ALG5: variants seen among roughly 807,000 people sequenced by gnomAD.
The protein encoded by ALG5 is ALG5 dolichyl-phosphate beta-glucosyltransferase.
A neutral mutation model predicts 51.8 loss-of-function variants in ALG5; 26 were observed. That is an observed-to-expected ratio of 0.50 (90% CI 0.37 to 0.70). The LOEUF is 0.70. ALG5 is among the 30% of genes least tolerant of loss of function. ALG5 has a pLI of 0.00. For synonymous variants in ALG5, 141 were observed against 136.1 expected, an observed-to-expected ratio of 1.04 and a Z score of -0.25; for missense variants, 311 against 399.3, an observed-to-expected ratio of 0.78 and a Z score of 1.88.
At position 36,955,259 on chromosome 13, in the gene ALG5, T is replaced by C. The variant is rs1177804129; in HGVS notation, c.774-2660A>G. The stretch of plus-strand genomic sequence containing the variant: ...CACGTAGCTCTGCTGGTTTAACCTG[T>C]AGCGAAATTTACCAATCAGAGGCTC... On this transcript the variant is annotated intron_variant, in intron 8 of 9. Transcript: ENST00000239891. Among the ~76,000 whole-genome samples the C allele has an allele frequency of 2.0e-5, 3 of 152,214 alleles. No homozygotes were observed. In the East Asian group the frequency reaches 5.8e-4, roughly 29 times the overall value.
intron 2 of ALG5, among the ~76,000 whole-genome samples, 182 bp downstream of exon 2, chr13:36,995,243 T>A (rs189303853): frequency 6.6e-6 from 1 of 152,334 alleles, no homozygotes; most frequent in African/African-American, 2.4e-5. Flanking sequence ...CTCATGATGC[T>A]GCTCCTATTC....
chr13:36,972,860 C>T (rs954846984), intron 6 of ALG5, among the ~76,000 whole-genome samples: 19 of 151,590 alleles, frequency 1.3e-4, no homozygotes, highest in Non-Finnish European at 1.6e-4. Flanking sequence ...GGCGTGGTGG[C>T]GGGCGCCTGT....
intron 6 of ALG5, among the ~76,000 whole-genome samples, chr13:36,973,553 C>T (rs2058936147): frequency 1.3e-5 from 2 of 151,868 alleles, no homozygotes; most frequent in Admixed American, 6.6e-5. Flanking sequence ...AAGGAAGGTA[C>T]AAGTACAAAA....
At chr13:36,967,644 G>A in intron 7 of ALG5, 2 of 392,588 alleles carry the variant, frequency 5.1e-6, no homozygotes, top group Non-Finnish European at 9.9e-6. Context: ...AGAATCATTA[G>A]TTATGGGTTG....
At chr13:36,981,919 T>G (rs972767907) in intron 6 of ALG5, among the ~76,000 whole-genome samples, 1 of 152,050 alleles carries the variant, frequency 6.6e-6, no homozygotes, top group Admixed American at 6.6e-5. Flanking sequence ...AAACCCTGTC[T>G]CTACTAAAAA....
chr13:36,992,610 A>C (rs1037554868), intron 4 of ALG5, among the ~76,000 whole-genome samples: 6 of 152,146 alleles, frequency 3.9e-5, no homozygotes, highest in African/African-American at 1.4e-4. Flanking sequence ...TTGTGAACTG[A>C]GTTCCTACTG....
chr13:36,980,567 TA>T (rs1268832765), intron 6 of ALG5, among the ~76,000 whole-genome samples: 2 of 152,058 alleles, frequency 1.3e-5, no homozygotes, highest in Non-Finnish European at 2.9e-5. Context: ...AAAACAAGCA[TA>T]TTTTTAAAAA....
intron 7 of ALG5, among the ~76,000 whole-genome samples, chr13:36,970,777 G>A (rs910347279): frequency 9.2e-5 from 14 of 151,632 alleles, no homozygotes; most frequent in Admixed American, 3.3e-4. Flanking sequence ...CAGGCATGAT[G>A]GCGTGTACCT....
At chr13:36,968,777 C>T (rs550430757) in intron 7 of ALG5, among the ~76,000 whole-genome samples, 24 of 152,220 alleles carry the variant, frequency 1.6e-4, no homozygotes, top group Non-Finnish European at 2.8e-4. Context: ...ACTGACAGCA[C>T]ACGAAGGGAA....
intron 6 of ALG5, 21 bp from the exon 7 acceptor site, chr13:36,972,057 A>G (rs747480270): frequency 1.9e-6 from 3 of 1,559,490 alleles, no homozygotes; most frequent in Non-Finnish European, 1.7e-6. Context: ...AAGCAGAGAT[A>G]GTTTTTCAAT....
rs1367638897 is a variant in ALG5 at position 36,949,987 on chromosome 13, A to G, written c.930T>C (p.Tyr310=). 7 of 1,613,384 alleles carry G rather than the reference A, an allele frequency of 4.3e-6. No homozygotes were observed. The highest frequency in any genetic ancestry group is 1.3e-5 in the African/African-American group (1 of 74,938). The change falls in exon 10 of 10, where the codon TAT becomes TAC. Residue 310 remains tyrosine, a synonymous_variant. Coordinates refer to ENST00000239891, the MANE Select transcript of ALG5 (RefSeq NM_013338.5). ...GCTCAAGCCTCCAGGCACCAGTCAAATATCGAAGTCGTATAAAAAGTAGGT... is the reference window on the plus strand; with the variant it reads ...GCTCAAGCCTCCAGGCACCAGTCAAGTATCGAAGTCGTATAAAAAGTAGGT... ...GKDLLFIRLR[Y]LTGAWRLEQT...
intron 5 of ALG5, 129 bp downstream of exon 5, chr13:36,989,355 T>A: frequency 3.1e-6 from 2 of 639,600 alleles, no homozygotes; most frequent in South Asian, 4.4e-5. Flanking sequence ...CATGAAGTTA[T>A]TATTAAAATT....
Position 36,995,559 on chromosome 13 carries a change from G to A in ALG5, c.104C>T (p.Pro35Leu). The change falls in exon 2 of 10, where the codon CCA becomes CTA. Residue 35 changes from proline to leucine, a missense_variant. Transcript: ENST00000239891. Reference protein sequence around the residue: ...IVAFTTATKMPALHRHEEEKF... With the variant: ...IVAFTTATKMLALHRHEEEKF... ...CTCTTCTTCATGTCGATGGAGTGCT[G>A]GCATTTTTGTAGCAGTTGTAAATGC... 6.2e-7 allele frequency: 1 copy of A among 1,604,866 alleles called. No homozygotes were observed. Among genetic ancestry groups the A allele is most frequent in the Non-Finnish European group, 8.5e-7 (1 of 1,178,004 alleles).
At chr13:36,961,017 G>T (rs1202509659) in intron 8 of ALG5, among the ~76,000 whole-genome samples, 1 of 152,012 alleles carries the variant, frequency 6.6e-6, no homozygotes, top group Non-Finnish European at 1.5e-5. Flanking sequence ...TATATACATA[G>T]TTGGTTCTCC....
Position 36,957,130 on chromosome 13 carries a change from A to G in ALG5, c.774-4531T>C, listed in dbSNP as rs533019487. Among the ~76,000 whole-genome samples the G allele has an allele frequency of 7.0e-4, 106 of 152,004 alleles. 1 individual carries two copies. The highest frequency in any genetic ancestry group is 2.4e-3 in the African/African-American group (100 of 41,458). The stretch of plus-strand genomic sequence containing the variant: ...GCACCCATCAGATGGCCAAATCGTT[A>G]TTTACTGGACCAGGACTTTTCAAAA... On this transcript the variant is annotated intron_variant, in intron 8 of 9. Transcript: ENST00000239891.
At chr13:36,953,088 C>G (rs1031843601) in intron 8 of ALG5, among the ~76,000 whole-genome samples, 5 of 152,084 alleles carry the variant, frequency 3.3e-5, no homozygotes, top group African/African-American at 9.7e-5. Flanking sequence ...TAATAGTGTC[C>G]CCAGGGCCTT....
intron 4 of ALG5, 49 bp downstream of exon 4, chr13:36,993,555 T>TA: frequency 6.6e-7 from 1 of 1,515,462 alleles, no homozygotes; most frequent in South Asian, 1.1e-5. Context: ...TGTGCAAAAT[T>TA]ATTCTCTATT....
chr13:36,967,892 G>C, intron 7 of ALG5: 3 of 890,298 alleles, frequency 3.4e-6, no homozygotes, highest in East Asian at 6.2e-5. Context: ...TATTCTCCTT[G>C]AGTGATTTTT....
intron 3 of ALG5, among the ~76,000 whole-genome samples, chr13:36,994,118 A>G (rs945648296): frequency 1.3e-5 from 2 of 152,192 alleles, no homozygotes; most frequent in Admixed American, 6.5e-5. Context: ...AAGAGAACAG[A>G]AAAACCTACT....
Sources: gnomAD v4.1 joint callset for allele counts (sites outside exome capture counted in the v4.1 genomes callset) on GRCh38, gnomAD v4.1.1 for gene constraint, MANE v1.5 for transcripts, NCBI Gene and HGNC (gene_info 2026-07-23, HGNC 2026-07-21) for gene names.